The following EHD3 variants were observed in gnomAD, a reference collection of about 807,000 sequenced individuals.
The protein encoded by EHD3 is EH domain-containing protein 3.
A neutral mutation model predicts 43.0 loss-of-function variants in EHD3; 17 were observed. The observed-to-expected ratio is 0.40, with a 90% CI of 0.27 to 0.59. The LOEUF (loss-of-function observed/expected upper bound fraction) is 0.59, where lower values mean the gene tolerates loss of function less well. Among genes scored for constraint, EHD3 ranks in the 20% least tolerant of loss-of-function variants. The pLI is 0.49. For missense variants in EHD3, 594 were observed against 705.6 expected (o/e 0.84, Z 1.79); for synonymous variants, 313 against 289.5 (o/e 1.08, Z -0.82).
intron 3 of EHD3, among the ~76,000 whole-genome samples, chr2:31,254,754 T>C (rs1002914097): frequency 6.6e-6 from 1 of 152,162 alleles, no homozygotes; most frequent in Non-Finnish European, 1.5e-5. Flanking sequence ...GGGCTGCAAG[T>C]CAAGGAGCTG....
In EHD3 at chr2:31,268,473, C is replaced by A. The variant is rs1683996274; in HGVS notation, c.*1769C>A. ...TCTTACTTGGAGTTCCTGGTGAAATCTTTGGCTGGAAAGGGCTCACTGGGG... is the reference window on the plus strand; with the variant it reads ...TCTTACTTGGAGTTCCTGGTGAAATATTTGGCTGGAAAGGGCTCACTGGGG... On this transcript the variant is annotated 3_prime_UTR_variant, in exon 6 of 6. Coordinates refer to ENST00000322054, the MANE Select transcript of EHD3 (RefSeq NM_014600.3). 1.3e-5 allele frequency: 2 copies of A among 152,356 alleles called. No homozygotes were observed. The highest frequency in any genetic ancestry group is 4.1e-4 in the South Asian group (2 of 4,832). 9.4% of individuals were successfully genotyped at this position (152,356 alleles called of 1,614,324 possible).
chr2:31,269,211 A>C lies in EHD3; in HGVS notation c.*2507A>C, dbSNP rs1558654828. On this transcript the variant is annotated 3_prime_UTR_variant, in exon 6 of 6. Coordinates refer to ENST00000322054, the MANE Select transcript of EHD3 (RefSeq NM_014600.3). The stretch of plus-strand genomic sequence containing the variant: ...CCCCACAGACAAGAATTTCTAGAGC[A>C]CTTGTCCTGTTGTTCCTTGCCCCGA... 6.6e-6 allele frequency: 1 copy of C among 152,164 alleles called. No homozygotes were observed. Among genetic ancestry groups the C allele is most frequent in the Non-Finnish European group, 1.5e-5 (1 of 68,032 alleles). The allele number at this position is 152,164 out of a possible 1,614,324, so 9.4% of individuals were successfully genotyped here. A position where few individuals can be genotyped will look rare whatever the true frequency, so the allele number is the denominator to read the frequency against.
intron 3 of EHD3, among the ~76,000 whole-genome samples, chr2:31,257,022 G>C (rs578036637): frequency 2.6e-5 from 4 of 152,338 alleles, no homozygotes; most frequent in African/African-American, 9.6e-5. Context: ...ACAGGTGAGA[G>C]GGAGCTGCAG....
At position 31,260,788 on chromosome 2, in the gene EHD3, C is replaced by A. The variant is rs774214784; in HGVS notation, c.781C>A (p.Pro261Thr). Residue 261 changes from proline (P) to threonine (T), a missense_variant, in exon 4 of 6, where the codon CCC becomes ACC. Physicochemically the swap from Pro to Thr is conservative, Grantham distance 38. Around this residue, in one of 3 missense-constraint regions of EHD3, gnomAD observed 29 missense variants for 60.9 expected, o/e 0.48. Transcript: ENST00000322054. This position sits in a 1 kb window ranked among gnomAD's most constrained non-coding sequence, Gnocchi z 4.6. ...CTACATCGGCTCCTTCTGGTCCCAC[C>A]CCCTCCTCATCCCTGACAACCGGAA... Reference protein sequence around the residue: ...RVYIGSFWSHPLLIPDNRKLF... With the variant: ...RVYIGSFWSHTLLIPDNRKLF... 1 of 1,614,210 alleles carries A rather than the reference C, an allele frequency of 6.2e-7. No individual in the cohort carries two copies. Among genetic ancestry groups the A allele is most frequent in the Non-Finnish European group, 8.5e-7 (1 of 1,180,034 alleles).
At chr2:31,249,501 G>T in intron 3 of EHD3, 33 bp downstream of exon 3, 1 of 1,601,572 alleles carries the variant, frequency 6.2e-7, no homozygotes, top group African/African-American at 1.3e-5. Context: ...GTTGGCTGTG[G>T]GCTCCATGGT....
At position 31,267,510 on chromosome 2, in the gene EHD3, G is replaced by A. The variant is rs371975595; in HGVS notation, c.*806G>A. On this transcript the variant is annotated 3_prime_UTR_variant, in exon 6 of 6. Transcript: ENST00000322054. ...CTCACATTTACCCAGCCCCTCCTGC[G>A]TACCAGGAGCTGTGTTAGGCACTTT... is the stretch of plus-strand genomic sequence containing the variant. The A allele has an allele frequency of 7.2e-5, 11 of 152,658 alleles. No homozygotes were observed. Among genetic ancestry groups the A allele is most frequent in the South Asian group, 2.1e-4 (1 of 4,814 alleles). 9.5% of individuals were successfully genotyped at this position (152,658 alleles called of 1,614,324 possible).
chr2:31,248,775 TGAG>T (rs1034532045), intron 2 of EHD3, among the ~76,000 whole-genome samples: 12 of 152,060 alleles, frequency 7.9e-5, no homozygotes, highest in Non-Finnish European at 1.5e-4. Flanking sequence ...CATTTACAAA[TGAG>T]GACATAAACA....
chr2:31,245,021 C>T (rs73922290), intron 2 of EHD3, among the ~76,000 whole-genome samples: 2,165 of 152,328 alleles, frequency 0.014, 57 homozygotes, highest in African/African-American at 0.05. Context: ...TCTAGGAATG[C>T]TTGGCAAACT....
At chr2:31,243,460 C>CTTTCTTT (rs1553402472) in intron 1 of EHD3, among the ~76,000 whole-genome samples, 18 of 98,480 alleles carry the variant, frequency 1.8e-4, no homozygotes, top group African/African-American at 5.5e-4. Context: ...TTCTTTCTTT[C>CTTTCTTT]TTTTTTTTTT....
At chr2:31,249,774 C>T (rs765570634) in intron 3 of EHD3, among the ~76,000 whole-genome samples, 6 of 152,182 alleles carry the variant, frequency 3.9e-5, no homozygotes, top group Non-Finnish European at 7.4e-5. Flanking sequence ...GGGGCACCTT[C>T]CATGGCCCTG....
In EHD3 at chr2:31,266,400, A is replaced by G; in HGVS notation, c.1304A>G (p.Asp435Gly). ...GYGEGAGEGI[D>G]DAEWVVARDK... ...GGGGAGGGGGCTGGAGAAGGTATCG[A>G]TGATGCTGAGTGGGTGGTGGCCAGG... is the stretch of plus-strand genomic sequence containing the variant. Residue 435 changes from aspartate to glycine, a missense_variant, in exon 6 of 6, where the codon GAT becomes GGT. Physicochemically the swap from Asp to Gly is moderately conservative, Grantham distance 94. This residue lies in a region of EHD3 where 322 missense variants were observed against 348.0 expected (regional missense o/e 0.93). Transcript: ENST00000322054. The surrounding 1 kb of genome is among the most constrained non-coding windows in gnomAD (Gnocchi z 5.1). 1.2e-6 allele frequency: 2 copies of G among 1,614,066 alleles called. No individual in the cohort carries two copies. Among genetic ancestry groups the G allele is most frequent in the Non-Finnish European group, 1.7e-6 (2 of 1,179,968 alleles).
chr2:31,257,767 G>A (rs1052966416), intron 3 of EHD3, among the ~76,000 whole-genome samples: 6 of 152,200 alleles, frequency 3.9e-5, no homozygotes, highest in Non-Finnish European at 7.3e-5. Flanking sequence ...CCGAGGGAGG[G>A]TTGATGATGC....
rs61745772 is a variant in EHD3, at chr2:31,266,443, C to T, written c.1347C>T (p.Asp449=). Residue 449 remains aspartate, a synonymous_variant, in exon 6 of 6, where the codon GAC becomes GAT. Transcript: ENST00000322054. This position sits in a 1 kb window ranked among gnomAD's most constrained non-coding sequence, Gnocchi z 5.1. The stretch of plus-strand genomic sequence containing the variant: ...TGGCCAGGGACAAGCCCATGTACGA[C>T]GAGATCTTCTACACCCTGTCACCGG... ...WVVARDKPMY[D]EIFYTLSPVD... 2,810 of 1,614,040 alleles carry T rather than the reference C, an allele frequency of 1.7e-3. 21 individuals are homozygous for T. In the African/African-American group the frequency reaches 0.022, roughly 13 times the overall value.
At chr2:31,254,643 G>C (rs946541741) in intron 3 of EHD3, among the ~76,000 whole-genome samples, 1 of 152,148 alleles carries the variant, frequency 6.6e-6, no homozygotes, top group Non-Finnish European at 1.5e-5. Flanking sequence ...GGGGAGGGAT[G>C]GGGTTTTGTA....
At position 31,234,775 on chromosome 2, in the gene EHD3, G is replaced by T; in HGVS notation, c.154G>T (p.Asp52Tyr). The change falls in exon 1 of 6, where the codon GAT becomes TAT. Residue 52 changes from aspartate (D) to tyrosine (Y), a missense_variant. This residue lies in a region of EHD3 where 243 missense variants were observed against 296.7 expected (regional missense o/e 0.82). Transcript: ENST00000322054. Reference sequence around the variant, plus strand: ...CGAGTTCCACTCGCCCGCCCTGGAGGATGCCGACTTCGACAACAAGCCCAT... The same window carrying T: ...CGAGTTCCACTCGCCCGCCCTGGAGTATGCCGACTTCGACAACAAGCCCAT... ...FHEFHSPALE[D>Y]ADFDNKPMVL... The T allele has an allele frequency of 1.2e-6, 2 of 1,614,206 alleles. No individual in the cohort carries two copies. Among genetic ancestry groups the T allele is most frequent in the South Asian group, 2.2e-5 (2 of 91,090 alleles).
chr2:31,234,627 C>T lies in EHD3; in HGVS notation c.6C>T (p.Phe2=). Residue 2 remains phenylalanine (F), a synonymous_variant, in exon 1 of 6, where the codon TTC becomes TTT. Coordinates refer to ENST00000322054, the MANE Select transcript of EHD3 (RefSeq NM_014600.3). ...GGGGGCGAGCGGCGGCCGCGATGTT[C>T]AGCTGGCTGGGTACGGACGACCGCC... M[F]SWLGTDDRRR... 1.2e-6 allele frequency: 2 copies of T among 1,613,696 alleles called. No individual in the cohort carries two copies. The highest frequency in any genetic ancestry group is 1.7e-6 in the Non-Finnish European group (2 of 1,179,956).
rs907062465 is a variant in EHD3, at chr2:31,243,448, C to T, written c.228-826C>T. 3.4e-4 allele frequency among the ~76,000 whole-genome samples: 23 copies of T among 67,042 alleles called. 1 individual carries two copies. The highest frequency in any genetic ancestry group is 6.9e-4 in the African/African-American group (11 of 15,922). 44.0% of individuals were successfully genotyped at this position (67,042 alleles called of 152,430 possible). On this transcript the variant is annotated intron_variant, in intron 1 of 5. Transcript: ENST00000322054. ...TCTTTCTTTCTTTCTTTCTTTCTTT[C>T]TTTCTTTCTTTCTTTTTTTTTTTTT...
At chr2:31,242,602 T>G (rs1318598762) in intron 1 of EHD3, among the ~76,000 whole-genome samples, 1 of 152,124 alleles carries the variant, frequency 6.6e-6, no homozygotes, top group Non-Finnish European at 1.5e-5. Context: ...AAGTTGGAAT[T>G]AAATGGATAA....
chr2:31,260,962 G>A lies in EHD3; in HGVS notation c.915+40G>A, dbSNP rs1199275444. 6.4e-7 allele frequency: 1 copy of A among 1,551,670 alleles called. No homozygotes were observed. Among genetic ancestry groups the A allele is most frequent in the Non-Finnish European group, 8.7e-7 (1 of 1,152,758 alleles). On this transcript the variant is annotated intron_variant, in intron 4 of 5. Transcript: ENST00000322054. The surrounding 1 kb of genome is among the most constrained non-coding windows in gnomAD (Gnocchi z 4.6). ...TGGGAGGTGGGCAGCTTGGGCAGGG[G>A]CCCAGAGTTTGGGGTCAGCTGCACG...
Sources: gnomAD v4.1 joint callset for allele counts (sites outside exome capture counted in the v4.1 genomes callset) on GRCh38, gnomAD v4.1.1 for gene constraint, gnomAD v4.1.1 regional missense constraint, Gnocchi (gnomAD v3.1) non-coding constraint, MANE v1.5 for transcripts, NCBI Gene and HGNC (gene_info 2026-07-23, HGNC 2026-07-21) for gene names.